The following KAZN variants were observed in gnomAD, a reference collection of about 807,000 sequenced individuals.
KAZN encodes kazrin.
In KAZN, 40 loss-of-function variants were observed where a neutral mutation model predicts 87.4. The ratio of observed to expected loss-of-function variants is 0.46; its 90% CI spans 0.36 to 0.60. KAZN has a LOEUF of 0.60. Ranked by LOEUF, KAZN falls within the 20% of genes least tolerant of loss-of-function variation. The pLI is 0.00. For synonymous variants in KAZN, 466 were observed against 458.3 expected (o/e 1.02, Z -0.22); for missense variants, 898 against 1,073.9 (o/e 0.84, Z 2.29).
intron 2 of KAZN, among the ~76,000 whole-genome samples, chr1:14,538,884 C>T (rs986945396): frequency 3.3e-5 from 5 of 152,204 alleles, no homozygotes; most frequent in African/African-American, 9.6e-5. Context: ...CACAGGGACT[C>T]TTTCTACATG....
At chr1:14,727,693 C>T (rs540739529) in intron 1 of KAZN, among the ~76,000 whole-genome samples, 3 of 151,328 alleles carry the variant, frequency 2.0e-5, no homozygotes, top group South Asian at 4.2e-4. Context: ...CTCGAACTCC[C>T]GACCTGAGGT....
intron 2 of KAZN, among the ~76,000 whole-genome samples, chr1:15,013,839 G>A (rs1384973015): frequency 6.6e-6 from 1 of 152,104 alleles, no homozygotes; most frequent in East Asian, 1.9e-4. Context: ...GGAGGCAGGA[G>A]AGTGAGCCAC....
chr1:14,868,429 A>G (rs980955089), intron 1 of KAZN, among the ~76,000 whole-genome samples: 8 of 152,194 alleles, frequency 5.3e-5, no homozygotes, highest in African/African-American at 1.7e-4. Flanking sequence ...TGAGGCTCAG[A>G]GTTGGAGCAA....
At chr1:14,156,995 C>G (rs972037733) in intron 1 of KAZN, among the ~76,000 whole-genome samples, 5 of 133,524 alleles carry the variant, frequency 3.7e-5, no homozygotes, top group Non-Finnish European at 8.3e-5. Context: ...TTTTATTTTT[C>G]ATGTATCCTT....
At chr1:14,012,975 TG>T (rs1433564200) in intron 1 of KAZN, among the ~76,000 whole-genome samples, 1 of 152,248 alleles carries the variant, frequency 6.6e-6, no homozygotes, top group Non-Finnish European at 1.5e-5. Context: ...GCTTCGAGCC[TG>T]ATAGAGACCA....
At chr1:14,120,990 A>G (rs1055077605) in intron 1 of KAZN, among the ~76,000 whole-genome samples, 23 of 152,194 alleles carry the variant, frequency 1.5e-4, no homozygotes, top group African/African-American at 5.5e-4. Flanking sequence ...TCCACAGCCT[A>G]TGAATGATAT....
chr1:15,043,956 ACCCACGGTGCTCTCTCCCTCTCCCAC>A lies in KAZN; in HGVS notation c.556-30_556-5del. On this transcript the variant is annotated splice_polypyrimidine_tract_variant and splice_region_variant and intron_variant, in intron 3 of 14. Coordinates refer to ENST00000376030, the MANE Select transcript of KAZN (RefSeq NM_201628.3). The stretch of plus-strand genomic sequence containing the variant: ...GGGCCAGGAGGAGCCTGGCTGTAAC[ACCCACGGTGCTCTCTCCCTCTCCCAC>A]CCACAGGAGAGCGAGGATGCGGTCA... 6.3e-7 allele frequency: 1 copy of A among 1,576,694 alleles called. No homozygotes were observed. Among genetic ancestry groups the A allele is most frequent in the East Asian group, 2.3e-5 (1 of 43,802 alleles).
intron 1 of KAZN, among the ~76,000 whole-genome samples, chr1:13,936,405 A>G (rs138505863): frequency 7.2e-5 from 11 of 152,196 alleles, no homozygotes; most frequent in African/African-American, 2.6e-4. Flanking sequence ...CCTGGCCTAC[A>G]AGTGCAGTTT....
chr1:14,899,853 C>T (rs923642768), intron 1 of KAZN, among the ~76,000 whole-genome samples: 24 of 152,332 alleles, frequency 1.6e-4, no homozygotes, highest in African/African-American at 5.1e-4. Flanking sequence ...CGTAACTCTG[C>T]GTTTTTGCTC....
rs145301520 is a variant in KAZN, at chr1:13,904,298, C to T, written c.91+10542C>T. ...ATAGTATCTCAGGAAGGGAACCCCT[C>T]ATGCCTCCTCCCTTCCATTAATAGG... On this transcript the variant is annotated intron_variant, in intron 1 of 16. Coordinates refer to the KAZN transcript ENST00000636203. Among the ~76,000 whole-genome samples, 3 of 152,266 alleles carry T rather than the reference C, an allele frequency of 2.0e-5. No individual in the cohort carries two copies. In the East Asian group the frequency reaches 5.8e-4, roughly 29 times the overall value.
Position 15,047,394 on chromosome 1 carries a change from G to T in KAZN, c.726+3235G>T, listed in dbSNP as rs75763453. ...AAGCAGCTCTGCTCTGCCAGTGGAA[G>T]CATAGAGGGTGGGTTGGAAGGAAGT... On this transcript the variant is annotated intron_variant, in intron 4 of 14. Transcript: ENST00000376030. Among the ~76,000 whole-genome samples, 12 of 152,322 alleles carry T rather than the reference G, an allele frequency of 7.9e-5. No individual in the cohort carries two copies. The East Asian group carries it at 1.7e-3, about 22-fold the overall frequency.
At chr1:13,977,446 C>T (rs976541063) in intron 1 of KAZN, among the ~76,000 whole-genome samples, 7 of 152,148 alleles carry the variant, frequency 4.6e-5, no homozygotes, top group African/African-American at 7.2e-5. Flanking sequence ...TAGACTAAGC[C>T]TTCCTTCTGT....
chr1:14,928,521 T>TAA (rs754307692), intron 1 of KAZN, among the ~76,000 whole-genome samples: 1 of 151,450 alleles, frequency 6.6e-6, no homozygotes, highest in Admixed American at 6.6e-5. Context: ...TTTTTATCCT[T>TAA]AAAAAAAAAG....
intron 1 of KAZN, among the ~76,000 whole-genome samples, chr1:14,948,163 T>G (rs1662053493): frequency 6.6e-6 from 1 of 152,226 alleles, no homozygotes; most frequent in African/African-American, 2.4e-5. Context: ...GTATCAGGAT[T>G]CTTTTTCAAG....
intron 2 of KAZN, among the ~76,000 whole-genome samples, chr1:14,410,812 C>T (rs545052487): frequency 3.2e-4 from 48 of 152,250 alleles, no homozygotes; most frequent in African/African-American, 1.1e-3. Flanking sequence ...ATGCCAGCGG[C>T]CACCAGAACC....
chr1:15,093,043 C>T (rs748691121), intron 8 of KAZN, among the ~76,000 whole-genome samples: 5 of 151,998 alleles, frequency 3.3e-5, no homozygotes, highest in African/African-American at 4.8e-5. Flanking sequence ...AGACGACTGC[C>T]GCTGTGTTGT....
intron 1 of KAZN, among the ~76,000 whole-genome samples, chr1:14,628,987 C>T (rs865880327): frequency 6.6e-5 from 10 of 151,994 alleles, no homozygotes; most frequent in African/African-American, 2.4e-4. Flanking sequence ...GCTGGGACTA[C>T]AGGTGCCTGC....
chr1:14,508,732 A>G (rs1670745614), intron 2 of KAZN, among the ~76,000 whole-genome samples: 1 of 152,170 alleles, frequency 6.6e-6, no homozygotes, highest in South Asian at 2.1e-4. Context: ...AAGAGTAATT[A>G]TGTTTGCTCT....
intron 1 of KAZN, among the ~76,000 whole-genome samples, chr1:14,174,776 A>AT (rs1646032704): frequency 1.4e-5 from 2 of 144,414 alleles, no homozygotes; most frequent in South Asian, 4.1e-4. Context: ...AATAGTTAAC[A>AT]TTTTTTTACA....
Sources: gnomAD v4.1 joint callset for allele counts (sites outside exome capture counted in the v4.1 genomes callset) on GRCh38, gnomAD v4.1.1 for gene constraint, MANE v1.5 for transcripts, NCBI Gene and HGNC (gene_info 2026-07-23, HGNC 2026-07-21) for gene names.